Variants in PLXNA2 observed in about 807,000 individuals in gnomAD.
The protein encoded by PLXNA2 is plexin A2.
Under a neutral mutation model 193.5 loss-of-function variants are expected in PLXNA2, and 91 were observed. The ratio of observed to expected loss-of-function variants is 0.47; its 90% CI spans 0.40 to 0.56. The LOEUF (loss-of-function observed/expected upper bound fraction) is 0.56. Ranked by LOEUF, PLXNA2 falls within the 20% of genes least tolerant of loss-of-function variation. The probability of loss-of-function intolerance (pLI) is 0.00; values close to 1 mark genes in which losing one functional copy is unlikely to be tolerated. For missense variants in PLXNA2, 1,995 were observed against 2,503.2 expected (o/e 0.80, Z 4.33); for synonymous variants, 997 against 1,027.3 (o/e 0.97, Z 0.56).
At chr1:208,076,015 G>A (rs1197381609) in intron 12 of PLXNA2, among the ~76,000 whole-genome samples, 8 of 147,638 alleles carry the variant, frequency 5.4e-5, no homozygotes, top group African/African-American at 1.8e-4. Flanking sequence ...CCAAGATTGC[G>A]CCACTGCAGT....
At position 208,025,833 on chromosome 1, in the gene PLXNA2, C is replaced by G. The variant is rs1213405481; in HGVS notation, c.*1410G>C. On this transcript the variant is annotated 3_prime_UTR_variant, in exon 32 of 32. Transcript: ENST00000367033. ...AGAGAAGGAAAGTCCAGTGAGAAGT[C>G]ATCCACTTGTCCTTCACACTCACAA... The G allele has an allele frequency of 6.6e-6, 1 of 152,410 alleles. No individual in the cohort carries two copies. The highest frequency in any genetic ancestry group is 2.4e-5 in the African/African-American group (1 of 41,430). 9.4% of individuals were successfully genotyped at this position (152,410 alleles called of 1,614,324 possible).
chr1:208,178,008 C>A (rs936334000), intron 3 of PLXNA2, among the ~76,000 whole-genome samples: 2 of 152,200 alleles, frequency 1.3e-5, no homozygotes, highest in African/African-American at 2.4e-5. Context: ...AGGACTTGAA[C>A]AAACATTAGG....
intron 3 of PLXNA2, among the ~76,000 whole-genome samples, chr1:208,182,907 G>T (rs998461189): frequency 6.6e-6 from 1 of 152,238 alleles, no homozygotes; most frequent in South Asian, 2.1e-4. Flanking sequence ...AAGGAGCCAA[G>T]ATCAGAAAAA....
intron 3 of PLXNA2, among the ~76,000 whole-genome samples, chr1:208,162,133 C>T (rs552570950): frequency 3.3e-5 from 5 of 152,220 alleles, no homozygotes; most frequent in Non-Finnish European, 5.9e-5. Context: ...AGAAGCACAG[C>T]ACCCTGATGG....
chr1:208,115,192 G>C (rs1367188565), intron 4 of PLXNA2, among the ~76,000 whole-genome samples: 1 of 152,194 alleles, frequency 6.6e-6, no homozygotes, highest in African/African-American at 2.4e-5. Context: ...GTTAGTCAGT[G>C]TGGGTTGATT....
chr1:208,090,163 C>T (rs943761332), intron 9 of PLXNA2, among the ~76,000 whole-genome samples: 1 of 152,116 alleles, frequency 6.6e-6, no homozygotes, highest in African/African-American at 2.4e-5. Flanking sequence ...GGAGTCTGGG[C>T]TTCCCTCACA....
chr1:208,084,693 C>A, intron 9 of PLXNA2, 113 bp from the exon 10 acceptor site: 1 of 945,344 alleles, frequency 1.1e-6, no homozygotes, highest in Non-Finnish European at 1.6e-6. Flanking sequence ...AGGATATTAC[C>A]TCATGTAAGG....
chr1:208,113,437 C>A (rs1667548183), intron 4 of PLXNA2, among the ~76,000 whole-genome samples: 1 of 152,190 alleles, frequency 6.6e-6, no homozygotes, highest in Non-Finnish European at 1.5e-5. Flanking sequence ...TAACAGGACC[C>A]CATCTCAGGG....
At position 208,211,220 on chromosome 1, in the gene PLXNA2, T is replaced by C. The variant is rs145168687; in HGVS notation, c.1189-758A>G. Among the ~76,000 whole-genome samples, 282 of 152,382 alleles carry C rather than the reference T, an allele frequency of 1.9e-3. 5 individuals are homozygous for C. The South Asian group carries it at 0.023, about 12-fold the overall frequency. ...AGATTTGTGTTAAGTTGTCCAACTC[T>C]TTCCACTATTGTGCATTATAGATCT... On this transcript the variant is annotated intron_variant, in intron 2 of 31. Transcript: ENST00000367033.
At chr1:208,198,544 C>T (rs915131303) in intron 3 of PLXNA2, among the ~76,000 whole-genome samples, 10 of 152,182 alleles carry the variant, frequency 6.6e-5, no homozygotes, top group African/African-American at 1.7e-4. Context: ...GCTGCCACCC[C>T]GCGCATTGTG....
intron 13 of PLXNA2, 102 bp from the exon 14 acceptor site, chr1:208,054,640 A>T: frequency 1.3e-6 from 1 of 797,798 alleles, no homozygotes; most frequent in Non-Finnish European, 2.2e-6. Context: ...CAGTCTTGCA[A>T]TAATGCCAGA....
chr1:208,044,460 C>T lies in PLXNA2; in HGVS notation c.3874+48G>A, dbSNP rs1355609675. Reference sequence around the variant, plus strand: ...GTCTGCAGGGAGAAGGGCAATAAGGCAGGTGGAGAAAGAGGGACCCAGCAA... The same window carrying T: ...GTCTGCAGGGAGAAGGGCAATAAGGTAGGTGGAGAAAGAGGGACCCAGCAA... On this transcript the variant is annotated intron_variant, in intron 20 of 31. Transcript: ENST00000367033. This position sits in a 1 kb window ranked among gnomAD's most constrained non-coding sequence, Gnocchi z 4.9. 4 of 1,308,414 alleles carry T rather than the reference C, an allele frequency of 3.1e-6. No individual in the cohort carries two copies. The highest frequency in any genetic ancestry group is 4.6e-5 in the East Asian group (2 of 43,346). 81.1% of individuals were successfully genotyped at this position (1,308,414 alleles called of 1,614,324 possible). A position where few individuals can be genotyped will look rare whatever the true frequency, so the allele number is the denominator to read the frequency against.
rs765012202 is a variant in PLXNA2 at position 208,044,774 on chromosome 1, A to G, written c.3640-32T>C. 7 of 1,544,044 alleles carry G rather than the reference A, an allele frequency of 4.5e-6. No individual in the cohort carries two copies. Among genetic ancestry groups the G allele is most frequent in the Non-Finnish European group, 6.2e-6 (7 of 1,121,760 alleles). On this transcript the variant is annotated intron_variant, in intron 19 of 31. Coordinates refer to ENST00000367033, the MANE Select transcript of PLXNA2 (RefSeq NM_025179.4). This position sits in a 1 kb window ranked among gnomAD's most constrained non-coding sequence, Gnocchi z 4.9. ...ATTGTACACATACAGACGCACATGG[A>G]TGCACACAGGTGTAGAGCCCGGGCA...
chr1:208,066,314 C>A (rs996035532), intron 12 of PLXNA2, among the ~76,000 whole-genome samples: 5 of 152,206 alleles, frequency 3.3e-5, no homozygotes, highest in Non-Finnish European at 7.3e-5. Flanking sequence ...AGGCTTTCCC[C>A]TCTGTGCTGT....
chr1:208,107,381 G>A (rs1667303773), intron 4 of PLXNA2, among the ~76,000 whole-genome samples: 1 of 152,224 alleles, frequency 6.6e-6, no homozygotes, highest in Non-Finnish European at 1.5e-5. Context: ...TGCTATGGAA[G>A]GAATTAGAGG....
At chr1:208,118,494 T>C (rs1388797715) in intron 4 of PLXNA2, among the ~76,000 whole-genome samples, 2 of 152,246 alleles carry the variant, frequency 1.3e-5, no homozygotes, top group Middle Eastern at 3.2e-3. Context: ...TCCAGGTTAG[T>C]AGCCCTCTCT....
intron 4 of PLXNA2, among the ~76,000 whole-genome samples, chr1:208,127,961 G>A (rs955755001): frequency 8.5e-5 from 13 of 152,110 alleles, no homozygotes; most frequent in Non-Finnish European, 1.9e-4. Flanking sequence ...GGCAGGCTCC[G>A]AGGGCCCAGC....
chr1:208,099,907 CA>C (rs747159150), intron 5 of PLXNA2, among the ~76,000 whole-genome samples: 1 of 151,844 alleles, frequency 6.6e-6, no homozygotes, highest in Non-Finnish European at 1.5e-5. Flanking sequence ...ATGCTGAGAC[CA>C]CAGAGTGAGG....
intron 4 of PLXNA2, among the ~76,000 whole-genome samples, chr1:208,111,333 T>C (rs542272357): frequency 3.2e-4 from 49 of 152,206 alleles, no homozygotes; most frequent in African/African-American, 1.1e-3. Flanking sequence ...TCCTAAAATG[T>C]TGGGATTACA....
Sources: gnomAD v4.1 joint callset for allele counts (sites outside exome capture counted in the v4.1 genomes callset) on GRCh38, gnomAD v4.1.1 for gene constraint, Gnocchi (gnomAD v3.1) non-coding constraint, MANE v1.5 for transcripts, NCBI Gene and HGNC (gene_info 2026-07-23, HGNC 2026-07-21) for gene names.